ARK2N: variants seen among roughly 807,000 people sequenced by gnomAD.
The protein encoded by ARK2N is arkadia (RNF111) N-terminal like PKA signaling regulator 2N, also known as protein ARK2N.
chr18:46,225,303 A>C, the ARK2N span, among the ~76,000 whole-genome samples: 1 of 152,246 alleles, frequency 6.6e-6, no homozygotes, highest in Non-Finnish European at 1.5e-5. Context: ...GAGTTCCCAA[A>C]GATGTATAAT....
At chr18:46,221,193 A>T in the ARK2N span, among the ~76,000 whole-genome samples, 1 of 151,958 alleles carries the variant, frequency 6.6e-6, no homozygotes, top group Non-Finnish European at 1.5e-5. Flanking sequence ...TTGAGTGTTC[A>T]TGCATTGTAT....
chr18:46,222,398 T>G, the ARK2N span, among the ~76,000 whole-genome samples: 1 of 152,228 alleles, frequency 6.6e-6, no homozygotes, highest in East Asian at 1.9e-4. Flanking sequence ...AAGTGCCCTC[T>G]TTTACTTCAT....
chr18:46,198,310 CAAAAAAAAAAAAAAA>C, the ARK2N span, among the ~76,000 whole-genome samples: 1 of 69,114 alleles, frequency 1.4e-5, no homozygotes, highest in Non-Finnish European at 2.6e-5. Context: ...ACTCCATCTC[CAAAAAAAAAAAAAAA>C]AAAAAAAAGA....
the ARK2N span, among the ~76,000 whole-genome samples, chr18:46,198,273 G>A: frequency 7.9e-6 from 1 of 126,498 alleles, no homozygotes; most frequent in African/African-American, 3.1e-5. Context: ...CGCCCCCACT[G>A]CACTCCAGTA....
the ARK2N span, chr18:46,219,107 A>G: frequency 1.3e-5 from 2 of 152,216 alleles, no homozygotes; most frequent in Admixed American, 1.3e-4. Context: ...CTGTTAATGC[A>G]TATTCTTTTA....
the ARK2N span, among the ~76,000 whole-genome samples, chr18:46,210,001 A>G: frequency 6.6e-6 from 1 of 152,214 alleles, no homozygotes; most frequent in African/African-American, 2.4e-5. Flanking sequence ...AAAACATCAG[A>G]TAAATCTCAA....
chr18:46,225,100 G>C, the ARK2N span, among the ~76,000 whole-genome samples: 1 of 152,184 alleles, frequency 6.6e-6, no homozygotes, highest in East Asian at 1.9e-4. Flanking sequence ...GATGGAAAAG[G>C]TAACTCATCT....
the ARK2N span, chr18:46,216,624 A>G: frequency 1.3e-6 from 2 of 1,557,684 alleles, no homozygotes; most frequent in Non-Finnish European, 1.7e-6. This position sits in a 1 kb window ranked among gnomAD's most constrained non-coding sequence, Gnocchi z 4.3. Context: ...ACTGACTGTA[A>G]AGTACCTGAT....
chr18:46,225,118 G>A, the ARK2N span, among the ~76,000 whole-genome samples: 16 of 152,336 alleles, frequency 1.1e-4, no homozygotes, highest in South Asian at 3.3e-3. Context: ...TCTTGACACT[G>A]GCGAAGAGAA....
At chr18:46,237,733 T>A in the ARK2N span, among the ~76,000 whole-genome samples, 2 of 152,148 alleles carry the variant, frequency 1.3e-5, no homozygotes, top group Admixed American at 1.3e-4. Context: ...TTCCTAATGA[T>A]AGTGTAAAAT....
chr18:46,241,560 A>G, the ARK2N span, among the ~76,000 whole-genome samples: 1 of 151,966 alleles, frequency 6.6e-6, no homozygotes. Context: ...CGTCTCTATT[A>G]ACAATACAAA....
At chr18:46,213,386 TCC>T in the ARK2N span, among the ~76,000 whole-genome samples, 1 of 151,866 alleles carries the variant, frequency 6.6e-6, no homozygotes, top group Non-Finnish European at 1.5e-5. Context: ...AAAATCTTTG[TCC>T]CCCCCACTGC....
At chr18:46,234,259 G>A in the ARK2N span, among the ~76,000 whole-genome samples, 5 of 152,008 alleles carry the variant, frequency 3.3e-5, no homozygotes, top group Non-Finnish European at 4.4e-5. Context: ...GTGCAGTGGC[G>A]CAATCTTGGC....
chr18:46,190,279 G>T, the ARK2N span, among the ~76,000 whole-genome samples: 2 of 152,096 alleles, frequency 1.3e-5, no homozygotes, highest in African/African-American at 2.4e-5. Context: ...CAGCACTTTG[G>T]GAGGCCGAGG....
At chr18:46,201,785 T>C in the ARK2N span, among the ~76,000 whole-genome samples, 1 of 150,952 alleles carries the variant, frequency 6.6e-6, no homozygotes, top group Non-Finnish European at 1.5e-5. Flanking sequence ...TTTTCTTTTT[T>C]TTTTTTTTTT....
the ARK2N span, among the ~76,000 whole-genome samples, chr18:46,241,847 G>A: frequency 9.9e-5 from 15 of 151,874 alleles, no homozygotes; most frequent in Non-Finnish European, 1.6e-4. Flanking sequence ...ATGGAGTTTC[G>A]CTCTTGTTGC....
the ARK2N span, among the ~76,000 whole-genome samples, chr18:46,192,241 TGGTA>T: frequency 1.3e-5 from 2 of 152,050 alleles, no homozygotes; most frequent in South Asian, 4.1e-4. Context: ...TAGGATGTAG[TGGTA>T]GGTAGGATTT....
At chr18:46,190,424 G>GCAGGAGAATCAC in the ARK2N span, among the ~76,000 whole-genome samples, 89 of 145,152 alleles carry the variant, frequency 6.1e-4, no homozygotes, top group Admixed American at 8.4e-4. Context: ...GGAGTCTGAG[G>GCAGGAGAATCAC]TTGCGGTGAG....
chr18:46,229,680 G>C, the ARK2N span, among the ~76,000 whole-genome samples: 1 of 151,842 alleles, frequency 6.6e-6, no homozygotes. Flanking sequence ...GCAGTGGCAC[G>C]ATCACAGCTC....
Sources: gnomAD v4.1 joint callset for allele counts (sites outside exome capture counted in the v4.1 genomes callset) on GRCh38, gnomAD v4.1.1 for gene constraint, Gnocchi (gnomAD v3.1) non-coding constraint, MANE v1.5 for transcripts, NCBI Gene and HGNC (gene_info 2026-07-23, HGNC 2026-07-21) for gene names.